The following PRKG1 variants were observed in gnomAD, a reference collection of about 807,000 sequenced individuals.
PRKG1 encodes cGMP-dependent protein kinase 1.
PRKG1 carries 35 observed loss-of-function variants against 88.1 expected under a neutral mutation model. The observed-to-expected ratio is 0.40, with a 90% CI of 0.30 to 0.53. The LOEUF (loss-of-function observed/expected upper bound fraction) is 0.53, where lower values mean the gene tolerates loss of function less well. PRKG1 is among the 20% of genes least tolerant of loss of function. The pLI, the probability that PRKG1 is intolerant of heterozygous loss-of-function variation, is 0.59. For synonymous variants in PRKG1, 303 were observed against 292.5 expected, an observed-to-expected ratio of 1.04 and a Z score of -0.37; for missense variants, 540 against 839.8, an observed-to-expected ratio of 0.64 and a Z score of 4.41.
At chr10:51,810,211 C>T (rs931550736) in intron 4 of PRKG1, among the ~76,000 whole-genome samples, 1 of 152,176 alleles carries the variant, frequency 6.6e-6, no homozygotes. Context: ...AGTTCACAGA[C>T]TTTGAAGATT....
intron 1 of PRKG1, among the ~76,000 whole-genome samples, chr10:51,128,373 C>T (rs913027139): frequency 1.3e-5 from 2 of 152,140 alleles, no homozygotes; most frequent in African/African-American, 2.4e-5. Context: ...TTTAAGAATA[C>T]GTTCATTATT....
chr10:51,100,491 A>G (rs180965375), intron 1 of PRKG1, among the ~76,000 whole-genome samples: 58 of 152,332 alleles, frequency 3.8e-4, no homozygotes, highest in African/African-American at 1.3e-3. Flanking sequence ...CAATGTCTCC[A>G]ATATGTAACA....
At chr10:52,269,348 C>T (rs1841658410) in intron 10 of PRKG1, among the ~76,000 whole-genome samples, 2 of 152,066 alleles carry the variant, frequency 1.3e-5, no homozygotes, top group South Asian at 4.1e-4. Flanking sequence ...ACTAATCTGT[C>T]ATCTTTGAGT....
chr10:51,197,892 A>G (rs1403354010), intron 2 of PRKG1, among the ~76,000 whole-genome samples: 1 of 151,472 alleles, frequency 6.6e-6, no homozygotes, highest in Non-Finnish European at 1.5e-5. Context: ...ACCCTAATAT[A>G]TCACCAAACT....
chr10:51,072,803 C>G (rs1174214018), upstream of PRKG1, among the ~76,000 whole-genome samples: 2 of 152,110 alleles, frequency 1.3e-5, no homozygotes, highest in Non-Finnish European at 2.9e-5. Context: ...AATGAACAAG[C>G]TTGTTAAGAT....
At chr10:51,524,564 T>C (rs1841829148) in intron 3 of PRKG1, among the ~76,000 whole-genome samples, 1 of 152,216 alleles carries the variant, frequency 6.6e-6, no homozygotes, top group African/African-American at 2.4e-5. Flanking sequence ...CTAATACATG[T>C]ACAATTTATC....
At chr10:51,665,100 A>T (rs191703278) in intron 3 of PRKG1, among the ~76,000 whole-genome samples, 58 of 152,304 alleles carry the variant, frequency 3.8e-4, no homozygotes, top group African/African-American at 1.4e-3. Flanking sequence ...ATTAACTGAA[A>T]AAAAGAATCT....
intron 7 of PRKG1, among the ~76,000 whole-genome samples, chr10:52,096,486 T>G (rs1202069273): frequency 6.6e-6 from 1 of 152,202 alleles, no homozygotes; most frequent in Non-Finnish European, 1.5e-5. Flanking sequence ...ATGTGCAACT[T>G]CCTCTGCTTT....
Position 51,068,273 on chromosome 10 carries a change from G to A in PRKG1, c.266+76629G>A, listed in dbSNP as rs575451061. Among the ~76,000 whole-genome samples the A allele has an allele frequency of 8.0e-4, 122 of 152,112 alleles. 2 individuals carry two copies. In the South Asian group the frequency reaches 0.023, roughly 29 times the overall value. ...TAGGTGATATTTACATGCCCATTAA[G>A]TTAATGAGAGTGGAGATCTCCATGT... On this transcript the variant is annotated intron_variant, in intron 1 of 17. Coordinates refer to the PRKG1 transcript ENST00000401604.
chr10:51,832,784 T>C (rs951884453), intron 4 of PRKG1, among the ~76,000 whole-genome samples: 1 of 152,014 alleles, frequency 6.6e-6, no homozygotes, highest in Non-Finnish European at 1.5e-5. Flanking sequence ...CTGAAGGAGG[T>C]GGCAACACAA....
At chr10:52,050,944 G>A (rs957987784) in intron 5 of PRKG1, among the ~76,000 whole-genome samples, 4 of 152,092 alleles carry the variant, frequency 2.6e-5, no homozygotes, top group Non-Finnish European at 5.9e-5. Flanking sequence ...AATGTCTGGA[G>A]ATAGTTTTGA....
intron 2 of PRKG1, among the ~76,000 whole-genome samples, chr10:51,269,509 A>G (rs1236378734): frequency 2.6e-5 from 4 of 152,208 alleles, no homozygotes; most frequent in Non-Finnish European, 4.4e-5. Context: ...TATATTATGT[A>G]TACAACATGG....
intron 3 of PRKG1, among the ~76,000 whole-genome samples, chr10:51,664,660 T>C (rs1589173271): frequency 1.3e-5 from 2 of 152,116 alleles, no homozygotes; most frequent in South Asian, 2.1e-4. Flanking sequence ...TCTTTGAAAA[T>C]GGTTCTGGTA....
At chr10:51,241,952 T>C (rs935934969) in intron 2 of PRKG1, among the ~76,000 whole-genome samples, 3 of 151,846 alleles carry the variant, frequency 2.0e-5, no homozygotes, top group African/African-American at 7.3e-5. Flanking sequence ...GGAGAATGGC[T>C]TTTTTGCCCT....
intron 3 of PRKG1, among the ~76,000 whole-genome samples, chr10:51,771,009 GGATACAGCT>G (rs1351301994): frequency 1.7e-4 from 26 of 152,292 alleles, no homozygotes; most frequent in African/African-American, 6.0e-4. Context: ...TAGGCTTTAT[GGATACAGCT>G]GATGGCTTCT....
intron 2 of PRKG1, among the ~76,000 whole-genome samples, chr10:51,354,680 C>G (rs1842327047): frequency 6.6e-6 from 1 of 152,022 alleles, no homozygotes; most frequent in Admixed American, 6.6e-5. Context: ...TTTTCTGTCT[C>G]ACACATATTG....
chr10:52,159,040 A>T (rs1326572774), intron 8 of PRKG1, among the ~76,000 whole-genome samples: 1 of 151,470 alleles, frequency 6.6e-6, no homozygotes, highest in Non-Finnish European at 1.5e-5. Flanking sequence ...TATGAACAAC[A>T]ATAAAGCTAT....
intron 1 of PRKG1, among the ~76,000 whole-genome samples, chr10:51,102,726 C>A (rs1844715811): frequency 6.6e-6 from 1 of 152,114 alleles, no homozygotes; most frequent in Non-Finnish European, 1.5e-5. Flanking sequence ...TTAACAAGCC[C>A]CATCTATGTG....
At chr10:51,385,570 C>T (rs1261616415) in intron 2 of PRKG1, among the ~76,000 whole-genome samples, 1 of 152,116 alleles carries the variant, frequency 6.6e-6, no homozygotes, top group Non-Finnish European at 1.5e-5. Flanking sequence ...ATATGCTTAT[C>T]ATTCTAAGCC....
Sources: allele counts gnomAD v4.1 joint callset (sites outside exome capture counted in the v4.1 genomes callset), GRCh38; gene constraint gnomAD v4.1.1; transcripts MANE v1.5; gene names NCBI Gene and HGNC (gene_info 2026-07-23, HGNC 2026-07-21).